CACNA2D2: variants seen among roughly 807,000 people sequenced by gnomAD.
CACNA2D2 encodes voltage-dependent calcium channel subunit alpha-2/delta-2.
Under a neutral mutation model 166.4 loss-of-function variants are expected in CACNA2D2, and 48 were observed. That is an observed-to-expected ratio of 0.29 (90% CI 0.23 to 0.37). The LOEUF is 0.37. Ranked by LOEUF, CACNA2D2 falls within the 10% of genes least tolerant of loss-of-function variation. The pLI is 1.00. For missense variants in CACNA2D2, 1,122 were observed against 1,433.0 expected (o/e 0.78, Z 3.50); for synonymous variants, 561 against 573.7 (o/e 0.98, Z 0.32).
intron 3 of CACNA2D2, among the ~76,000 whole-genome samples, chr3:50,426,119 G>A (rs1707798541): frequency 6.6e-6 from 1 of 152,196 alleles, no homozygotes; most frequent in African/African-American, 2.4e-5. Context: ...GGGAGGGCAG[G>A]TACACAGGCT....
Position 50,439,904 on chromosome 3 carries a change from G to A in CACNA2D2, c.289-5475C>T, listed in dbSNP as rs77226922. Among the ~76,000 whole-genome samples the A allele has an allele frequency of 3.4e-3, 517 of 152,284 alleles. 7 individuals are homozygous for A. The East Asian group carries it at 0.049, about 14-fold the overall frequency. ...AGCCAGTCAGGGTAGAGCCAGGTCC[G>A]GGCCCCCTGCCTCACCCACCCCTTC... On this transcript the variant is annotated intron_variant, in intron 2 of 37. Transcript: ENST00000424201.
At position 50,446,677 on chromosome 3, in the gene CACNA2D2, G is replaced by C. The variant is rs9839266; in HGVS notation, c.289-12248C>G. 6.2e-3 allele frequency among the ~76,000 whole-genome samples: 938 copies of C among 152,288 alleles called. 12 individuals are homozygous for C. Among genetic ancestry groups the C allele is most frequent in the East Asian group, 0.048 (250 of 5,178 alleles). On this transcript the variant is annotated intron_variant, in intron 2 of 37. Transcript: ENST00000424201. ...AACATCCATCAAGAGCTTTTTCTCA[G>C]ACAGTTGGGTGAACCCTCCCAGGAA...
chr3:50,379,684 G>A lies in CACNA2D2; in HGVS notation c.993+41C>T. 6.2e-7 allele frequency: 1 copy of A among 1,611,916 alleles called. No individual in the cohort carries two copies. On this transcript the variant is annotated intron_variant, in intron 10 of 37. Coordinates refer to ENST00000424201, the MANE Select transcript of CACNA2D2 (RefSeq NM_006030.4). The surrounding 1 kb of genome is among the most constrained non-coding windows in gnomAD (Gnocchi z 6.5). Reference sequence around the variant, plus strand: ...TGATGGTCACAGGAGCAGGGCAGATGGGGTGACCCATTTCACCCCGTCTGC... The same window carrying A: ...TGATGGTCACAGGAGCAGGGCAGATAGGGTGACCCATTTCACCCCGTCTGC...
At chr3:50,412,505 T>C (rs1260835436) in intron 3 of CACNA2D2, among the ~76,000 whole-genome samples, 1 of 152,120 alleles carries the variant, frequency 6.6e-6, no homozygotes, top group East Asian at 1.9e-4. Context: ...GAGCCCCTCC[T>C]TGCTCCCAGG....
At chr3:50,498,167 G>A (rs761378531) in intron 1 of CACNA2D2, among the ~76,000 whole-genome samples, 1 of 152,112 alleles carries the variant, frequency 6.6e-6, no homozygotes, top group Non-Finnish European at 1.5e-5. Flanking sequence ...AGGCAACATC[G>A]CCCTGCCAGA....
chr3:50,469,279 C>T (rs1040842622), intron 2 of CACNA2D2, among the ~76,000 whole-genome samples: 5 of 152,174 alleles, frequency 3.3e-5, no homozygotes, highest in African/African-American at 1.2e-4. Flanking sequence ...CTGCAGCTAG[C>T]TCCCTGGATT....
chr3:50,367,985 C>G lies in CACNA2D2; in HGVS notation c.2144-83G>C. On this transcript the variant is annotated intron_variant, in intron 24 of 37. Transcript: ENST00000424201. This position sits in a 1 kb window ranked among gnomAD's most constrained non-coding sequence, Gnocchi z 6.5. The stretch of plus-strand genomic sequence containing the variant: ...CCTCACCCCCACCCTTAAGGCTCCA[C>G]CAGGAGCCTCCTCCATGACCTGGCC... 1 of 1,177,872 alleles carries G rather than the reference C, an allele frequency of 8.5e-7. No individual in the cohort carries two copies. Among genetic ancestry groups the G allele is most frequent in the Admixed American group, 1.9e-5 (1 of 53,878 alleles). The allele number at this position is 1,177,872 out of a possible 1,614,324, so 73.0% of individuals were successfully genotyped here. A position where few individuals can be genotyped will look rare whatever the true frequency, so the allele number is the denominator to read the frequency against.
At chr3:50,430,707 G>T (rs897899928) in intron 3 of CACNA2D2, among the ~76,000 whole-genome samples, 3 of 152,148 alleles carry the variant, frequency 2.0e-5, no homozygotes, top group Non-Finnish European at 4.4e-5. Flanking sequence ...AGCTGGGAGG[G>T]CAGGAGAGTC....
chr3:50,401,308 C>T (rs755645662), intron 3 of CACNA2D2, among the ~76,000 whole-genome samples: 4 of 152,056 alleles, frequency 2.6e-5, no homozygotes, highest in Non-Finnish European at 4.4e-5. Flanking sequence ...CAGGGAAAAA[C>T]TCATTCGAGT....
chr3:50,478,564 G>A (rs1697901462), intron 1 of CACNA2D2, among the ~76,000 whole-genome samples: 1 of 152,218 alleles, frequency 6.6e-6, no homozygotes, highest in Non-Finnish European at 1.5e-5. Flanking sequence ...AAGGTGCAGT[G>A]CCAGCATGTC....
At chr3:50,443,930 C>T (rs1236101683) in intron 2 of CACNA2D2, among the ~76,000 whole-genome samples, 5 of 152,264 alleles carry the variant, frequency 3.3e-5, no homozygotes, top group Admixed American at 2.0e-4. Context: ...TGGGTTTCAA[C>T]GGGTCATGGA....
chr3:50,405,910 C>T (rs74448976), intron 3 of CACNA2D2, among the ~76,000 whole-genome samples: 4,007 of 152,272 alleles, frequency 0.026, 80 homozygotes, highest in Non-Finnish European at 0.043. Context: ...GCTAGCCAAA[C>T]CAGACTTCCT....
chr3:50,485,567 T>C (rs1698245211), intron 1 of CACNA2D2, among the ~76,000 whole-genome samples: 2 of 152,230 alleles, frequency 1.3e-5, no homozygotes, highest in African/African-American at 4.8e-5. Context: ...TCGGGGCCCA[T>C]GGGGGCCTCA....
At chr3:50,373,236 G>A (rs1010835227) in intron 22 of CACNA2D2, among the ~76,000 whole-genome samples, 17 of 151,448 alleles carry the variant, frequency 1.1e-4, no homozygotes, top group Non-Finnish European at 2.1e-4. Flanking sequence ...TCATCATACC[G>A]AAAGGAAACT....
chr3:50,503,088 C>T (rs1699049475), intron 1 of CACNA2D2, 130 bp downstream of exon 1: 3 of 426,574 alleles, frequency 7.0e-6, no homozygotes, highest in African/African-American at 4.2e-5. Flanking sequence ...CCGTCGCCCC[C>T]GGGCGCAGCG....
chr3:50,454,074 T>G (rs187557195), intron 2 of CACNA2D2, among the ~76,000 whole-genome samples: 3 of 152,266 alleles, frequency 2.0e-5, no homozygotes, highest in Admixed American at 6.5e-5. Context: ...AAATAATAGC[T>G]TTTGCTGAAT....
At chr3:50,419,028 G>A (rs528368310) in intron 3 of CACNA2D2, among the ~76,000 whole-genome samples, 1 of 152,288 alleles carries the variant, frequency 6.6e-6, no homozygotes, top group South Asian at 2.1e-4. Context: ...GCAGAGGAGT[G>A]GGGGAGGTGA....
intron 2 of CACNA2D2, among the ~76,000 whole-genome samples, chr3:50,447,011 C>G (rs896823200): frequency 3.3e-5 from 5 of 152,200 alleles, no homozygotes; most frequent in African/African-American, 4.8e-5. Context: ...TCACCTTCTT[C>G]CGTGCTAGGA....
At chr3:50,415,226 T>C (rs531640422) in intron 3 of CACNA2D2, among the ~76,000 whole-genome samples, 1 of 152,360 alleles carries the variant, frequency 6.6e-6, no homozygotes, top group African/African-American at 2.4e-5. Context: ...CAGCCAGGGC[T>C]GGCTCTGCCA....
Sources: allele counts gnomAD v4.1 joint callset (sites outside exome capture counted in the v4.1 genomes callset), GRCh38; gene constraint gnomAD v4.1.1; non-coding constraint Gnocchi (gnomAD v3.1); transcripts MANE v1.5; gene names NCBI Gene and HGNC (gene_info 2026-07-23, HGNC 2026-07-21).